Variants in C6orf163 observed in about 807,000 individuals in gnomAD.
C6orf163 encodes uncharacterized protein C6orf163.
C6orf163 carries 22 observed loss-of-function variants against 28.4 expected under a neutral mutation model. The observed-to-expected ratio is 0.78, with a 90% CI of 0.55 to 1.11. The LOEUF (loss-of-function observed/expected upper bound fraction) is 1.11. C6orf163 is among the 50% of genes least tolerant of loss of function. The probability of loss-of-function intolerance (pLI) is 0.00; values close to 1 mark genes in which losing one functional copy is unlikely to be tolerated. For synonymous variants in C6orf163, 110 were observed against 123.6 expected, an observed-to-expected ratio of 0.89 and a Z score of 0.73; for missense variants, 342 against 389.1, an observed-to-expected ratio of 0.88 and a Z score of 1.02.
intron 2 of C6orf163, among the ~76,000 whole-genome samples, chr6:87,349,140 C>T (rs1364404338): frequency 2.6e-5 from 4 of 152,186 alleles, no homozygotes; most frequent in Non-Finnish European, 4.4e-5. Context: ...ATATGCCTGG[C>T]ACACAGTAGG....
chr6:87,345,866 G>T (rs1777313634), intron 1 of C6orf163, among the ~76,000 whole-genome samples: 1 of 134,278 alleles, frequency 7.4e-6, no homozygotes, highest in Non-Finnish European at 1.5e-5. Flanking sequence ...GCAGTGAGCT[G>T]AGATCGTGCT....
intron 3 of C6orf163, among the ~76,000 whole-genome samples, chr6:87,355,692 G>A (rs1777490064): frequency 6.6e-6 from 1 of 152,010 alleles, no homozygotes; most frequent in Admixed American, 6.5e-5. Context: ...TACGTTGTTG[G>A]CCTCCTTCAC....
Position 87,365,148 on chromosome 6 carries a change from G to A in C6orf163, c.742G>A (p.Gly248Ser), listed in dbSNP as rs1375185914. 1.9e-6 allele frequency: 3 copies of A among 1,551,916 alleles called. No homozygotes were observed. Among genetic ancestry groups the A allele is most frequent in the East Asian group, 2.4e-5 (1 of 40,924 alleles). Residue 248 changes from glycine to serine, a missense_variant, in exon 5 of 5, where the codon GGC becomes AGC. Transcript: ENST00000388923. Reference protein sequence around the residue: ...EAEKTHQATLGNMMDKLANTQ... With the variant: ...EAEKTHQATLSNMMDKLANTQ... ...AGAGAAAACACATCAGGCCACTCTT[G>A]GCAATATGATGGATAAACTGGCTAA...
intron 1 of C6orf163, chr6:87,347,739 A>G: frequency 1.0e-6 from 1 of 985,546 alleles, no homozygotes; most frequent in Non-Finnish European, 1.2e-6. Flanking sequence ...CAATCTGTCC[A>G]TGCTTACCCT....
rs1233022288 is a variant in C6orf163 at position 87,365,343 on chromosome 6, A to G, written c.937A>G (p.Lys313Glu). Residue 313 changes from lysine (K) to glutamate (E), a missense_variant, in exon 5 of 5, where the codon AAG becomes GAG. Coordinates refer to ENST00000388923, the MANE Select transcript of C6orf163 (RefSeq NM_001010868.3). Reference protein sequence around the residue: ...GHADFILPERKKTPSNLVIKE... With the variant: ...GHADFILPEREKTPSNLVIKE... ...TGCAGATTTTATTCTGCCAGAAAGAAAGAAAACACCTTCTAATCTTGTTAT... is the reference window on the plus strand; with the variant it reads ...TGCAGATTTTATTCTGCCAGAAAGAGAGAAAACACCTTCTAATCTTGTTAT... 8 of 1,550,644 alleles carry G rather than the reference A, an allele frequency of 5.2e-6. No individual in the cohort carries two copies. The highest frequency in any genetic ancestry group is 1.2e-5 in the South Asian group (1 of 83,948).
At chr6:87,347,646 A>G (rs973580979) in intron 1 of C6orf163, 3 of 985,158 alleles carry the variant, frequency 3.0e-6, no homozygotes, top group African/African-American at 3.5e-5. Context: ...TGACAGAAAC[A>G]TAACTCAGAA....
chr6:87,348,689 T>C (rs957242455), intron 1 of C6orf163, 123 bp from the exon 2 acceptor site: 3 of 1,438,694 alleles, frequency 2.1e-6, no homozygotes, highest in South Asian at 1.5e-5. Context: ...GAAATATATA[T>C]ACTGGCATCT....
In C6orf163 at chr6:87,346,085, T is replaced by C. The variant is rs182603844; in HGVS notation, c.148+838T>C. Among the ~76,000 whole-genome samples the C allele has an allele frequency of 7.2e-5, 11 of 152,234 alleles. No homozygotes were observed. In the East Asian group the frequency reaches 1.9e-3, roughly 27 times the overall value. On this transcript the variant is annotated intron_variant, in intron 1 of 4. Coordinates refer to ENST00000388923, the MANE Select transcript of C6orf163 (RefSeq NM_001010868.3). The stretch of plus-strand genomic sequence containing the variant: ...ATATAATAAGCAAATCAAATTGTAC[T>C]ATAGGTTTCCATCTCTCTTTTATCC...
At chr6:87,359,318 A>G (rs1307103055) in intron 4 of C6orf163, 1 of 152,280 alleles carries the variant, frequency 6.6e-6, no homozygotes, top group Non-Finnish European at 1.5e-5. Flanking sequence ...GGAAGGAGAA[A>G]GTATGATGTA....
At chr6:87,359,601 C>G (rs1169837651) in intron 4 of C6orf163, among the ~76,000 whole-genome samples, 1 of 152,234 alleles carries the variant, frequency 6.6e-6, no homozygotes, top group Non-Finnish European at 1.5e-5. Context: ...TATTTACAGA[C>G]TAACCAGGCA....
At chr6:87,355,905 A>G (rs1204905923) in intron 3 of C6orf163, among the ~76,000 whole-genome samples, 2 of 152,210 alleles carry the variant, frequency 1.3e-5, no homozygotes, top group African/African-American at 4.8e-5. Flanking sequence ...GACACGAGGC[A>G]TAGTAATTAT....
chr6:87,360,792 G>A (rs748598630), intron 4 of C6orf163, among the ~76,000 whole-genome samples: 68 of 152,074 alleles, frequency 4.5e-4, no homozygotes, highest in Non-Finnish European at 7.1e-4. Flanking sequence ...AGAGAGTTTC[G>A]TCTGTATTAC....
At chr6:87,348,460 A>C in intron 1 of C6orf163, 4 of 1,005,500 alleles carry the variant, frequency 4.0e-6, no homozygotes, top group Non-Finnish European at 4.7e-6. Context: ...AGGGAGAGAG[A>C]GAGCTGTATA....
chr6:87,348,664 T>C (rs1777365471), intron 1 of C6orf163, 148 bp from the exon 2 acceptor site: 4 of 1,410,102 alleles, frequency 2.8e-6, no homozygotes, highest in Non-Finnish European at 3.7e-6. Context: ...TCTTACTCTT[T>C]CAATGGGTAT....
chr6:87,345,767 T>C (rs1777312446), intron 1 of C6orf163, among the ~76,000 whole-genome samples: 1 of 151,596 alleles, frequency 6.6e-6, no homozygotes, highest in Non-Finnish European at 1.5e-5. Flanking sequence ...ACTAAAAAAA[T>C]TTAAGCAGGC....
chr6:87,349,722 TA>T (rs1461661111), intron 2 of C6orf163, among the ~76,000 whole-genome samples: 1 of 152,226 alleles, frequency 6.6e-6, no homozygotes, highest in African/African-American at 2.4e-5. Context: ...TGAACATACA[TA>T]ATGCTCCAGT....
chr6:87,346,206 A>G (rs903907026), intron 1 of C6orf163, among the ~76,000 whole-genome samples: 2 of 152,096 alleles, frequency 1.3e-5, no homozygotes, highest in Non-Finnish European at 2.9e-5. Context: ...AAAATGGTAA[A>G]CTAAGGGTGA....
At chr6:87,354,924 C>A (rs1279005942) in intron 3 of C6orf163, among the ~76,000 whole-genome samples, 1 of 152,232 alleles carries the variant, frequency 6.6e-6, no homozygotes, top group Admixed American at 6.5e-5. Context: ...GTAAACAGAG[C>A]TGGCTCTCTC....
chr6:87,355,503 G>A (rs1407151632), intron 3 of C6orf163, among the ~76,000 whole-genome samples: 1 of 152,140 alleles, frequency 6.6e-6, no homozygotes, highest in Non-Finnish European at 1.5e-5. Context: ...GGAGGCTGAA[G>A]TGAGCTGTGA....
Sources: allele counts gnomAD v4.1 joint callset (sites outside exome capture counted in the v4.1 genomes callset), GRCh38; gene constraint gnomAD v4.1.1; transcripts MANE v1.5; gene names NCBI Gene and HGNC (gene_info 2026-07-23, HGNC 2026-07-21).